SHOC2: variants seen among roughly 807,000 people sequenced by gnomAD.
SHOC2 encodes the protein SHOC2 leucine rich repeat scaffold protein.
In SHOC2, 4 loss-of-function variants were observed where a neutral mutation model predicts 50.2. The ratio of observed to expected loss-of-function variants is 0.08; its 90% CI spans 0.04 to 0.18. The LOEUF is 0.18. SHOC2 is among the 10% of genes least tolerant of loss of function. The pLI is 1.00. For missense variants in SHOC2, 388 were observed against 669.6 expected (o/e 0.58, Z 4.64); for synonymous variants, 218 against 244.5 (o/e 0.89, Z 1.01).
At chr10:110,980,942 T>A (rs186647111) in intron 2 of SHOC2, among the ~76,000 whole-genome samples, 1 of 152,348 alleles carries the variant, frequency 6.6e-6, no homozygotes, top group East Asian at 1.9e-4. Context: ...CAGTGTAAGT[T>A]TCATGTGGAT....
chr10:110,973,457 G>A (rs1847819576), intron 2 of SHOC2, among the ~76,000 whole-genome samples: 1 of 151,678 alleles, frequency 6.6e-6, no homozygotes, highest in South Asian at 2.1e-4. Flanking sequence ...GATTTTTTTT[G>A]TCTGTATTCA....
intron 4 of SHOC2, among the ~76,000 whole-genome samples, chr10:111,002,986 A>G (rs1426629573): frequency 1.3e-5 from 2 of 152,170 alleles, no homozygotes; most frequent in East Asian, 1.9e-4. Flanking sequence ...TTTATTTTCA[A>G]TCGTGTAGCC....
chr10:111,000,869 G>A (rs1287094916), intron 4 of SHOC2, among the ~76,000 whole-genome samples: 1 of 151,982 alleles, frequency 6.6e-6, no homozygotes. Flanking sequence ...AAGGTATTAA[G>A]GAAAAACTAT....
intron 1 of SHOC2, among the ~76,000 whole-genome samples, chr10:110,940,968 T>C: frequency 7.3e-6 from 1 of 137,120 alleles, no homozygotes; most frequent in African/African-American, 2.7e-5. Context: ...TCTAGCTCTG[T>C]TGCCCAGGCT....
intron 2 of SHOC2, among the ~76,000 whole-genome samples, chr10:110,975,476 A>G (rs1464541985): frequency 1.3e-5 from 2 of 152,142 alleles, no homozygotes; most frequent in African/African-American, 4.8e-5. Flanking sequence ...TGTCCATAGT[A>G]TCCTCTGATC....
In SHOC2 at chr10:110,964,850, T is replaced by A; in HGVS notation, c.492T>A (p.Ser164=). The A allele has an allele frequency of 6.2e-7, 1 of 1,614,052 alleles. No homozygotes were observed. The highest frequency in any genetic ancestry group is 8.5e-7 in the Non-Finnish European group (1 of 1,179,958). ...ATTCACTTACCAGTTTGCCTGACTCTCTTGATAACTTGAAGAAGCTGCGGA... is the reference window on the plus strand; with the variant it reads ...ATTCACTTACCAGTTTGCCTGACTCACTTGATAACTTGAAGAAGCTGCGGA... ...SENSLTSLPD[S]LDNLKKLRML... Residue 164 remains serine, a synonymous_variant, in exon 2 of 9, where the codon TCT becomes TCA. Coordinates refer to ENST00000369452, the MANE Select transcript of SHOC2 (RefSeq NM_007373.4). The surrounding 1 kb of genome is among the most constrained non-coding windows in gnomAD (Gnocchi z 4.9).
chr10:110,971,426 G>A (rs959237506), intron 2 of SHOC2, among the ~76,000 whole-genome samples: 2 of 151,942 alleles, frequency 1.3e-5, no homozygotes, highest in African/African-American at 4.8e-5. Context: ...TTGTTTTTAT[G>A]CCAGTACTGT....
At chr10:110,952,519 C>A (rs1847375726) in intron 1 of SHOC2, among the ~76,000 whole-genome samples, 1 of 152,078 alleles carries the variant, frequency 6.6e-6, no homozygotes, top group African/African-American at 2.4e-5. Context: ...ATTCATCCCT[C>A]ACTCCCCCAA....
intron 2 of SHOC2, 37 bp downstream of exon 2, chr10:110,965,098 G>A (rs779698241): frequency 1.9e-6 from 3 of 1,570,308 alleles, no homozygotes; most frequent in African/African-American, 2.7e-5. Context: ...TGTAGTATTT[G>A]TTATGCTAAA....
intron 2 of SHOC2, among the ~76,000 whole-genome samples, chr10:110,979,665 A>G (rs552325214): frequency 6.6e-6 from 1 of 152,358 alleles, no homozygotes; most frequent in South Asian, 2.1e-4. Context: ...GCTTTCTCTT[A>G]GGACAAAAAT....
At chr10:110,952,058 A>G (rs1438355169) in intron 1 of SHOC2, among the ~76,000 whole-genome samples, 3 of 152,198 alleles carry the variant, frequency 2.0e-5, no homozygotes, top group African/African-American at 4.8e-5. Flanking sequence ...TGTTACAGAC[A>G]ATGAAACTAC....
At chr10:110,998,653 C>T (rs996310744) in intron 3 of SHOC2, among the ~76,000 whole-genome samples, 1 of 152,052 alleles carries the variant, frequency 6.6e-6, no homozygotes, top group Non-Finnish European at 1.5e-5. Context: ...GTATAGCATA[C>T]CTATGGAATA....
chr10:110,925,070 CA>C (rs763203844), intron 1 of SHOC2, among the ~76,000 whole-genome samples: 6,766 of 82,252 alleles, frequency 0.082, 111 homozygotes, highest in African/African-American at 0.16. Flanking sequence ...GACTCTGTCT[CA>C]AAAAAAAAAA....
chr10:110,985,805 C>T (rs1341746484), intron 3 of SHOC2, 40 bp downstream of exon 3: 6 of 1,553,424 alleles, frequency 3.9e-6, no homozygotes, highest in Non-Finnish European at 5.3e-6. Context: ...CTGTTAATAG[C>T]TAACTGGATA....
chr10:110,975,645 G>C (rs552311215), intron 2 of SHOC2, among the ~76,000 whole-genome samples: 1 of 151,954 alleles, frequency 6.6e-6, no homozygotes, highest in South Asian at 2.1e-4. Flanking sequence ...TTTTGTCAAG[G>C]ATGCCACAGT....
At chr10:111,005,312 G>A (rs913045454) in intron 5 of SHOC2, among the ~76,000 whole-genome samples, 2 of 152,076 alleles carry the variant, frequency 1.3e-5, no homozygotes, top group Admixed American at 6.6e-5. Flanking sequence ...GTCTATAAAA[G>A]TATAGTTGTA....
intron 8 of SHOC2, 81 bp from the exon 9 acceptor site, chr10:111,011,529 G>A (rs1408913801): frequency 3.1e-5 from 28 of 905,090 alleles, no homozygotes; most frequent in Non-Finnish European, 4.7e-5. Flanking sequence ...TATATGTAAT[G>A]ACCAGAACAG....
intron 3 of SHOC2, among the ~76,000 whole-genome samples, chr10:110,999,973 T>G (rs10885077): frequency 0.6 from 90,703 of 151,806 alleles, 29,738 homozygotes; most frequent in Non-Finnish European, 0.75. Flanking sequence ...AACAATACCA[T>G]TTTAGAAATT....
chr10:110,980,595 G>A (rs1847958054), intron 2 of SHOC2, among the ~76,000 whole-genome samples: 1 of 152,086 alleles, frequency 6.6e-6, no homozygotes. Context: ...TTCAAACCTA[G>A]AGAAAACAGA....
Sources: gnomAD v4.1 joint callset for allele counts (sites outside exome capture counted in the v4.1 genomes callset) on GRCh38, gnomAD v4.1.1 for gene constraint, Gnocchi (gnomAD v3.1) non-coding constraint, MANE v1.5 for transcripts, NCBI Gene and HGNC (gene_info 2026-07-23, HGNC 2026-07-21) for gene names.